BIRC2: variants seen among roughly 807,000 people sequenced by gnomAD.
The protein encoded by BIRC2 is baculoviral IAP repeat containing 2.
BIRC2 carries 18 observed loss-of-function variants against 60.9 expected under a neutral mutation model. The ratio of observed to expected loss-of-function variants is 0.30; its 90% CI spans 0.20 to 0.44. The LOEUF is 0.44. Among genes scored for constraint, BIRC2 ranks in the 20% least tolerant of loss-of-function variants. BIRC2 has a pLI of 1.00. For synonymous variants in BIRC2, 282 were observed against 247.7 expected (o/e 1.14, Z -1.30); for missense variants, 701 against 728.5 (o/e 0.96, Z 0.43).
intron 4 of BIRC2, 55 bp downstream of exon 4, chr11:102,363,029 T>C: frequency 2.3e-6 from 3 of 1,299,458 alleles, no homozygotes; most frequent in Non-Finnish European, 3.3e-6. Context: ...ATAACAAAAA[T>C]ATTATTAGGT....
chr11:102,364,172 T>TATATATATATATATACACACATAC, intron 5 of BIRC2, among the ~76,000 whole-genome samples: 1 of 89,730 alleles, frequency 1.1e-5, no homozygotes, highest in East Asian at 3.6e-4. Context: ...TATATATATA[T>TATATATATATATATACACACATAC]ATACACACAC....
At chr11:102,357,942 A>G (rs1232906340) in intron 3 of BIRC2, among the ~76,000 whole-genome samples, 1 of 152,076 alleles carries the variant, frequency 6.6e-6, no homozygotes, top group South Asian at 2.1e-4. Context: ...TTCAATTTTA[A>G]TATTTCTTGT....
At chr11:102,369,943 T>G (rs1951608220) in intron 6 of BIRC2, among the ~76,000 whole-genome samples, 1 of 151,902 alleles carries the variant, frequency 6.6e-6, no homozygotes, top group South Asian at 2.1e-4. Flanking sequence ...TCATGTGTTT[T>G]TTGGCTGCAT....
At chr11:102,369,076 C>T (rs949642777) in intron 6 of BIRC2, among the ~76,000 whole-genome samples, 3 of 151,868 alleles carry the variant, frequency 2.0e-5, no homozygotes, top group Non-Finnish European at 2.9e-5. Context: ...TTTTTGTATT[C>T]GTCCAGATAG....
At chr11:102,352,234 C>T (rs1024444581) in intron 3 of BIRC2, among the ~76,000 whole-genome samples, 102 of 152,016 alleles carry the variant, frequency 6.7e-4, no homozygotes, top group African/African-American at 2.3e-3. Context: ...CTGCCTCAGC[C>T]TCCCGAGTAG....
At chr11:102,353,679 C>CTTTTTT (rs60766578) in intron 3 of BIRC2, among the ~76,000 whole-genome samples, 2,872 of 85,852 alleles carry the variant, frequency 0.033, 86 homozygotes, top group Non-Finnish European at 0.05. Flanking sequence ...TAGTAACTTT[C>CTTTTTT]TTTTTTTTTT....
chr11:102,363,587 A>C (rs1182534900), intron 4 of BIRC2, 81 bp from the exon 5 acceptor site: 1 of 1,080,628 alleles, frequency 9.3e-7, no homozygotes, highest in Non-Finnish European at 1.4e-6. Flanking sequence ...ATTTACTTAA[A>C]GTAAGCTTAT....
At chr11:102,373,748 T>C (rs1419696725) in intron 6 of BIRC2, among the ~76,000 whole-genome samples, 4 of 151,758 alleles carry the variant, frequency 2.6e-5, no homozygotes, top group African/African-American at 9.7e-5. Context: ...TCCTGGATAA[T>C]ATCCTGCAGA....
At chr11:102,356,567 A>G (rs1202618689) in intron 3 of BIRC2, among the ~76,000 whole-genome samples, 1 of 151,848 alleles carries the variant, frequency 6.6e-6, no homozygotes, top group East Asian at 1.9e-4. Flanking sequence ...ATGTTGAGGT[A>G]TATTCCTTCT....
intron 3 of BIRC2, among the ~76,000 whole-genome samples, chr11:102,356,034 C>T (rs898233684): frequency 1.3e-5 from 2 of 152,152 alleles, no homozygotes; most frequent in African/African-American, 4.8e-5. Flanking sequence ...AAGATTATGT[C>T]ATCTGCAAAC....
chr11:102,356,250 C>T (rs1390110449), intron 3 of BIRC2, among the ~76,000 whole-genome samples: 1 of 145,610 alleles, frequency 6.9e-6, no homozygotes, highest in Admixed American at 7.1e-5. Flanking sequence ...GGCTAGAATG[C>T]AGTGGCGCAA....
intron 3 of BIRC2, among the ~76,000 whole-genome samples, chr11:102,359,103 T>C (rs1951455806): frequency 6.6e-6 from 1 of 152,208 alleles, no homozygotes; most frequent in Non-Finnish European, 1.5e-5. Flanking sequence ...TTCCTTTATA[T>C]CTTTTGTGCA....
In BIRC2 at chr11:102,349,196, G is replaced by T. The variant is rs1022387916; in HGVS notation, c.-659G>T. 6.6e-6 allele frequency: 1 copy of T among 152,062 alleles called. No individual in the cohort carries two copies. The highest frequency in any genetic ancestry group is 1.9e-4 in the East Asian group (1 of 5,200). The allele number at this position is 152,062 out of a possible 1,614,324, so 9.4% of individuals were successfully genotyped here. ...AGCAGGCACAGGTTCAACAAAGCTT[G>T]TGGGTATTGACTTCCCCCAAAAGTT... On this transcript the variant is annotated 5_prime_UTR_variant, in exon 2 of 9. Transcript: ENST00000227758.
intron 3 of BIRC2, among the ~76,000 whole-genome samples, chr11:102,359,616 T>C (rs79119423): frequency 0.015 from 2,309 of 152,360 alleles, 22 homozygotes; most frequent in Non-Finnish European, 0.024. Context: ...GGATACATAT[T>C]CTTGTCTGGT....
chr11:102,361,988 C>G (rs942513144), intron 3 of BIRC2, among the ~76,000 whole-genome samples: 3 of 152,126 alleles, frequency 2.0e-5, no homozygotes, highest in Admixed American at 2.0e-4. Context: ...TGATGTCACT[C>G]TTGCAAACTT....
chr11:102,350,980 CTG>C lies in BIRC2; in HGVS notation c.995+40_995+41del, dbSNP rs1465538648. On this transcript the variant is annotated intron_variant, in intron 3 of 8. Transcript: ENST00000227758. ...GAAAAAGGTATTTGTACAAAAAACTCTGTGCTTAAAAGAAGTAGGCATGCCTA... is the reference window on the plus strand; with the variant it reads ...GAAAAAGGTATTTGTACAAAAAACTCTGCTTAAAAGAAGTAGGCATGCCTA... 5 of 1,594,614 alleles carry C rather than the reference CTG, an allele frequency of 3.1e-6. No individual in the cohort carries two copies. The South Asian group carries it at 3.4e-5, about 11-fold the overall frequency.
At chr11:102,355,371 T>G (rs1405131975) in intron 3 of BIRC2, among the ~76,000 whole-genome samples, 1 of 152,196 alleles carries the variant, frequency 6.6e-6, no homozygotes, top group Non-Finnish European at 1.5e-5. Context: ...TTAAAGAGAC[T>G]TATCATTTCA....
At chr11:102,357,100 A>G (rs748277343) in intron 3 of BIRC2, among the ~76,000 whole-genome samples, 1 of 152,130 alleles carries the variant, frequency 6.6e-6, no homozygotes, top group Non-Finnish European at 1.5e-5. Flanking sequence ...AGGCTGCTGA[A>G]TTCGGTTTGC....
At chr11:102,350,813 T>C in intron 2 of BIRC2, 31 bp from the exon 3 acceptor site, 1 of 1,610,690 alleles carries the variant, frequency 6.2e-7, no homozygotes, top group Non-Finnish European at 8.5e-7. Context: ...AACATACGTG[T>C]TTTCAATATT....
Sources: gnomAD v4.1 joint callset for allele counts (sites outside exome capture counted in the v4.1 genomes callset) on GRCh38, gnomAD v4.1.1 for gene constraint, MANE v1.5 for transcripts, NCBI Gene and HGNC (gene_info 2026-07-23, HGNC 2026-07-21) for gene names.